TTC5: variants seen among roughly 807,000 people sequenced by gnomAD.
The protein encoded by TTC5 is tetratricopeptide repeat protein 5.
Under a neutral mutation model 57.4 loss-of-function variants are expected in TTC5, and 46 were observed. The ratio of observed to expected loss-of-function variants is 0.80; its 90% CI spans 0.63 to 1.03. TTC5 has a LOEUF of 1.03. Ranked by LOEUF, TTC5 falls within the 50% of genes least tolerant of loss-of-function variation. The pLI, the probability that TTC5 is intolerant of heterozygous loss-of-function variation, is 0.00. For missense variants in TTC5, 504 were observed against 528.1 expected, an observed-to-expected ratio of 0.95 and a Z score of 0.45; for synonymous variants, 190 against 203.5, an observed-to-expected ratio of 0.93 and a Z score of 0.57.
At chr14:20,290,145 T>A (rs1881924921) in intron 9 of TTC5, among the ~76,000 whole-genome samples, 1 of 152,190 alleles carries the variant, frequency 6.6e-6, no homozygotes, top group Admixed American at 6.5e-5. Context: ...AAAATCTCAG[T>A]CCAAATGTTT....
At chr14:20,294,186 GT>G (rs1158738472) in intron 8 of TTC5, 2 of 152,070 alleles carry the variant, frequency 1.3e-5, no homozygotes, top group African/African-American at 4.8e-5. Flanking sequence ...AGTGATCAAA[GT>G]TGGCAACTAT....
chr14:20,300,199 A>G (rs1433253787), intron 3 of TTC5: 2 of 111,802 alleles, frequency 1.8e-5, no homozygotes, highest in Non-Finnish European at 3.7e-5. Context: ...AGGTCTCACC[A>G]TGTTGCCTAG....
At position 20,289,820 on chromosome 14, in the gene TTC5, C is replaced by G. The variant is rs932309560; in HGVS notation, c.1204-74G>C. The G allele has an allele frequency of 4.1e-6, 6 of 1,474,806 alleles. No individual in the cohort carries two copies. The African/African-American group carries it at 8.3e-5, about 21-fold the overall frequency. The allele number at this position is 1,474,806 out of a possible 1,614,324, so 91.4% of individuals were successfully genotyped here. A position where few individuals can be genotyped will look rare whatever the true frequency, so the allele number is the denominator to read the frequency against. On this transcript the variant is annotated intron_variant, in intron 9 of 9. Transcript: ENST00000258821. ...AAAGCTCCAGCATGGGGATACACCA[C>G]TTGCAACTTTCTGCACCACCTCCCC...
chr14:20,300,912 T>C, intron 2 of TTC5, 94 bp from the exon 3 acceptor site: 3 of 980,874 alleles, frequency 3.1e-6, no homozygotes, highest in Non-Finnish European at 4.5e-6. Flanking sequence ...GTTTTAGGAA[T>C]AAAAAGAGTT....
Position 20,289,474 on chromosome 14 carries a change from GAA to G in TTC5, c.*151_*152del. ...GAACATGATGAGGACAGAGGAGAGA[GAA>G]GAGATACGAAGTGTAATACAGGCAG... is the stretch of plus-strand genomic sequence containing the variant. On this transcript the variant is annotated 3_prime_UTR_variant, in exon 10 of 10. Transcript: ENST00000258821. 1.1e-6 allele frequency: 1 copy of G among 870,612 alleles called. No homozygotes were observed. Among genetic ancestry groups the G allele is most frequent in the Admixed American group, 2.9e-5 (1 of 34,196 alleles). The allele number at this position is 870,612 out of a possible 1,614,324, so 53.9% of individuals were successfully genotyped here.
Position 20,296,422 on chromosome 14 carries a change from TAGA to T in TTC5, c.661_663del (p.Ser222del). The T allele has an allele frequency of 1.9e-6, 3 of 1,613,182 alleles. No homozygotes were observed. The East Asian group carries it at 6.7e-5, about 36-fold the overall frequency. On this transcript the variant is annotated inframe_deletion, in exon 6 of 10. Transcript: ENST00000258821. ...CTGTTCAGATGAAGGTCAGGATTGC[TAGA>T]AGCTTTTCTGTCAACTTTCTCCTAT...
chr14:20,300,609 G>GGGTGAGGGCTCCTGAGAAGCA lies in TTC5; in HGVS notation c.373_393dup (p.Cys125_Thr131dup). 6.2e-7 allele frequency: 1 copy of GGGTGAGGGCTCCTGAGAAGCA among 1,610,200 alleles called. No homozygotes were observed. Among genetic ancestry groups the GGGTGAGGGCTCCTGAGAAGCA allele is most frequent in the Non-Finnish European group, 8.5e-7 (1 of 1,179,400 alleles). On this transcript the variant is annotated inframe_insertion, in exon 3 of 10. Coordinates refer to ENST00000258821, the MANE Select transcript of TTC5 (RefSeq NM_138376.3). ...CAAAGGGATAGGGGGCAGCTCACATGGGTGAGGGCTCCTGAGAAGCAGGTG... is the reference window on the plus strand; with the variant it reads ...CAAAGGGATAGGGGGCAGCTCACATGGGTGAGGGCTCCTGAGAAGCAGGTGAGGGCTCCTGAGAAGCAGGTG...
intron 5 of TTC5, 51 bp from the exon 6 acceptor site, chr14:20,296,497 C>T (rs762162008): frequency 4.2e-6 from 6 of 1,416,618 alleles, no homozygotes; most frequent in Non-Finnish European, 6.0e-6. Flanking sequence ...ATGTTAAGGA[C>T]TGACATGCCC....
At chr14:20,293,421 A>G (rs1357542577) in intron 8 of TTC5, 1 of 152,244 alleles carries the variant, frequency 6.6e-6, no homozygotes, top group African/African-American at 2.4e-5. Context: ...AAATTGTTCC[A>G]TGGTTGAAAC....
rs1447205358 is a variant in TTC5, at chr14:20,298,845, GC to G, written c.590del (p.Gly197AlafsTer32). On this transcript the variant is annotated frameshift_variant, in exon 5 of 10. Transcript: ENST00000258821. LOFTEE classifies it high-confidence loss of function. ...CTTGCTGGGAGATCTTAGGGTTCTG[GC>G]CAGTAGAGAAGTAAAGGGAAAGATA... is the stretch of plus-strand genomic sequence containing the variant. ...NSYLSLYFST[G>X]QNPKISQQAL... 6.2e-7 allele frequency: 1 copy of G among 1,613,854 alleles called. No homozygotes were observed. The highest frequency in any genetic ancestry group is 8.5e-7 in the Non-Finnish European group (1 of 1,179,870).
Position 20,286,446 on chromosome 14 carries a change from T to C in TTC5, c.*3181A>G, listed in dbSNP as rs954497567. ...GTAAAAATTAAAAAGCTAGACAATT[T>C]CAAAAAAAGAAAAAGACAGACTGGG... On this transcript the variant is annotated 3_prime_UTR_variant, in exon 10 of 10. Coordinates refer to ENST00000258821, the MANE Select transcript of TTC5 (RefSeq NM_138376.3). 7 of 151,810 alleles carry C rather than the reference T, an allele frequency of 4.6e-5. No individual in the cohort carries two copies. The highest frequency in any genetic ancestry group is 1.4e-4 in the African/African-American group (6 of 41,434). 9.4% of individuals were successfully genotyped at this position (151,810 alleles called of 1,614,324 possible).
At chr14:20,304,975 T>G (rs1882261398) in intron 1 of TTC5, among the ~76,000 whole-genome samples, 2 of 152,158 alleles carry the variant, frequency 1.3e-5, no homozygotes, top group Non-Finnish European at 2.9e-5. Context: ...TTGTATACCT[T>G]TTCAGATTTT....
chr14:20,303,336 C>G (rs1437811319), intron 1 of TTC5, among the ~76,000 whole-genome samples: 1 of 152,080 alleles, frequency 6.6e-6, no homozygotes, highest in Non-Finnish European at 1.5e-5. Flanking sequence ...GGTCCCATCC[C>G]CAAGTTATCT....
intron 2 of TTC5, among the ~76,000 whole-genome samples, chr14:20,301,613 A>G (rs1475680801): frequency 6.6e-6 from 1 of 152,256 alleles, no homozygotes; most frequent in Non-Finnish European, 1.5e-5. Context: ...GCAATAGTTC[A>G]AGTAAGTATG....
At chr14:20,290,542 G>A (rs1881932336) in intron 9 of TTC5, among the ~76,000 whole-genome samples, 1 of 152,072 alleles carries the variant, frequency 6.6e-6, no homozygotes, top group Non-Finnish European at 1.5e-5. Context: ...TCCAACCAGA[G>A]TTGAGAAAAA....
At chr14:20,304,034 T>C (rs1478281785) in intron 1 of TTC5, among the ~76,000 whole-genome samples, 1 of 152,240 alleles carries the variant, frequency 6.6e-6, no homozygotes, top group Non-Finnish European at 1.5e-5. Context: ...TGTTATATCA[T>C]ACTCTTATTT....
intron 8 of TTC5, chr14:20,293,835 C>G (rs1369242757): frequency 6.6e-6 from 1 of 152,150 alleles, no homozygotes; most frequent in Non-Finnish European, 1.5e-5. Context: ...GGAGGAGAAG[C>G]AGGTTTACAG....
In TTC5 at chr14:20,302,925, G is replaced by A. The variant is rs1443377030; in HGVS notation, c.52-960C>T. 3.3e-5 allele frequency among the ~76,000 whole-genome samples: 5 copies of A among 151,794 alleles called. No homozygotes were observed. The South Asian group carries it at 6.2e-4, about 19-fold the overall frequency. ...TTTTTAAAAGACAGGGTCACCAGGC[G>A]TGGTGGCTCATGCCTGTAATCCTAG... On this transcript the variant is annotated intron_variant, in intron 1 of 9. Coordinates refer to ENST00000258821, the MANE Select transcript of TTC5 (RefSeq NM_138376.3).
intron 1 of TTC5, among the ~76,000 whole-genome samples, chr14:20,302,555 A>C (rs760307897): frequency 6.6e-6 from 1 of 152,144 alleles, no homozygotes; most frequent in African/African-American, 2.4e-5. Context: ...TTAAATGCTT[A>C]TTGTGGTTTT....
Sources: gnomAD v4.1 joint callset for allele counts (sites outside exome capture counted in the v4.1 genomes callset) on GRCh38, gnomAD v4.1.1 for gene constraint, MANE v1.5 for transcripts, NCBI Gene and HGNC (gene_info 2026-07-23, HGNC 2026-07-21) for gene names.